The following DAB1 variants were observed in gnomAD, a reference collection of about 807,000 sequenced individuals.
DAB1 encodes DAB adaptor protein 1, also known as disabled homolog 1.
DAB1 carries 15 observed loss-of-function variants against 64.6 expected under a neutral mutation model. That is an observed-to-expected ratio of 0.23 (90% CI 0.16 to 0.36). DAB1 has a LOEUF of 0.36. Ranked by LOEUF, DAB1 falls within the 10% of genes least tolerant of loss-of-function variation. DAB1 has a pLI of 1.00. For missense variants in DAB1, 596 were observed against 706.7 expected (o/e 0.84, Z 1.78); for synonymous variants, 235 against 251.9 (o/e 0.93, Z 0.64).
intron 4 of DAB1, among the ~76,000 whole-genome samples, chr1:58,178,154 AG>A (rs1037650517): frequency 6.4e-4 from 97 of 152,304 alleles, no homozygotes; most frequent in African/African-American, 2.1e-3. Context: ...TAATTAAAGT[AG>A]TAACCTTCTC....
rs142573098 is a variant in DAB1 at position 58,067,761 on chromosome 1, C to T, written n.387+82750G>A. Among the ~76,000 whole-genome samples the T allele has an allele frequency of 3.3e-5, 5 of 152,286 alleles. No homozygotes were observed. The East Asian group carries it at 5.8e-4, about 18-fold the overall frequency. On this transcript the variant is annotated intron_variant and non_coding_transcript_variant, in intron 5 of 20. Coordinates refer to the DAB1 transcript ENST00000485760. ...ATACGTATACTAGCTGGGTTTACTG[C>T]CATCTCCTTATAGGCCTCAACCAGT...
At chr1:58,306,632 C>T (rs1662316164) in intron 4 of DAB1, among the ~76,000 whole-genome samples, 1 of 152,098 alleles carries the variant, frequency 6.6e-6, no homozygotes, top group African/African-American at 2.4e-5. Context: ...GATGTTAACA[C>T]CCCAGAGCCA....
At chr1:57,416,631 T>C (rs1684516656) in intron 1 of DAB1, among the ~76,000 whole-genome samples, 1 of 152,094 alleles carries the variant, frequency 6.6e-6, no homozygotes, top group South Asian at 2.1e-4. Flanking sequence ...GATTACAAAA[T>C]AAAGAATCAC....
intron 4 of DAB1, among the ~76,000 whole-genome samples, chr1:58,261,104 A>G (rs1361897357): frequency 6.6e-6 from 1 of 152,192 alleles, no homozygotes; most frequent in Non-Finnish European, 1.5e-5. Flanking sequence ...GGGTATTTGT[A>G]TCCTATAACA....
At chr1:58,483,451 C>T (rs899228604) in intron 3 of DAB1, among the ~76,000 whole-genome samples, 3 of 152,154 alleles carry the variant, frequency 2.0e-5, no homozygotes, top group East Asian at 3.8e-4. Flanking sequence ...GCACTTCTAG[C>T]TCTGATTAGG....
At chr1:57,786,961 G>A (rs886525573) in intron 6 of DAB1, among the ~76,000 whole-genome samples, 3 of 151,776 alleles carry the variant, frequency 2.0e-5, no homozygotes, top group African/African-American at 7.3e-5. Context: ...TAACAAAAAC[G>A]ATGCAAATTT....
intron 7 of DAB1, among the ~76,000 whole-genome samples, chr1:57,607,002 G>T (rs893238429): frequency 6.6e-6 from 1 of 151,590 alleles, no homozygotes; most frequent in African/African-American, 2.4e-5. Flanking sequence ...GGCCAGGCTG[G>T]TCTCGAACTC....
intron 7 of DAB1, among the ~76,000 whole-genome samples, chr1:57,483,224 T>C (rs1228972896): frequency 6.6e-6 from 1 of 152,222 alleles, no homozygotes; most frequent in Non-Finnish European, 1.5e-5. Flanking sequence ...TTTACTGATA[T>C]GGTTTGGCTG....
At chr1:57,207,009 C>T (rs1037424347) in intron 2 of DAB1, among the ~76,000 whole-genome samples, 5 of 101,738 alleles carry the variant, frequency 4.9e-5, no homozygotes, top group African/African-American at 1.9e-4. Flanking sequence ...GCTCTTGTTG[C>T]CCAGGCTGGA....
chr1:57,221,889 A>AT (rs34829466), intron 2 of DAB1, among the ~76,000 whole-genome samples: 2,233 of 144,712 alleles, frequency 0.015, 16 homozygotes, highest in East Asian at 0.028. Flanking sequence ...GTTAAATGTC[A>AT]TTTTTTTTTT....
intron 3 of DAB1, among the ~76,000 whole-genome samples, chr1:58,358,925 TTCTTTCTCTC>T (rs1217747951): frequency 1.6e-4 from 2 of 12,860 alleles, no homozygotes; most frequent in Admixed American, 1.3e-3. Context: ...CCCCCTTCCT[TTCTTTCTCTC>T]TCTCTCTCTC....
At chr1:57,632,855 T>C (rs543892164) in intron 7 of DAB1, among the ~76,000 whole-genome samples, 1 of 152,354 alleles carries the variant, frequency 6.6e-6, no homozygotes, top group Non-Finnish European at 1.5e-5. Flanking sequence ...GGAGTTGTAG[T>C]ACTATGTGTT....
intron 6 of DAB1, among the ~76,000 whole-genome samples, chr1:57,764,160 G>T (rs185930246): frequency 2.7e-4 from 41 of 152,332 alleles, no homozygotes; most frequent in African/African-American, 8.9e-4. Context: ...AGAGCTCAAA[G>T]AAGGCAATCA....
At chr1:57,431,985 G>A (rs1685535043) in intron 7 of DAB1, among the ~76,000 whole-genome samples, 1 of 152,092 alleles carries the variant, frequency 6.6e-6, no homozygotes, top group Non-Finnish European at 1.5e-5. Context: ...AGCTGAGTGT[G>A]ATGGTGTGTG....
chr1:57,968,076 G>T (rs539662364), intron 5 of DAB1, among the ~76,000 whole-genome samples: 1 of 152,094 alleles, frequency 6.6e-6, no homozygotes, highest in Admixed American at 6.6e-5. Flanking sequence ...AGCAGATGCC[G>T]AAATATTGTC....
chr1:57,385,858 T>A (rs888724592), intron 1 of DAB1, among the ~76,000 whole-genome samples: 2 of 152,210 alleles, frequency 1.3e-5, no homozygotes, highest in African/African-American at 4.8e-5. Context: ...CTCATTTTGC[T>A]TACAAAGGAA....
At chr1:57,011,116 CACAA>C (rs1646253528) in intron 13 of DAB1, 25 bp downstream of exon 13, 1 of 1,613,264 alleles carries the variant, frequency 6.2e-7, no homozygotes, top group Non-Finnish European at 8.5e-7. Context: ...TAAGGAAAAA[CACAA>C]ACAAATAACA....
chr1:57,000,137 A>C (rs1033269486), intron 14 of DAB1, among the ~76,000 whole-genome samples: 3 of 141,886 alleles, frequency 2.1e-5, no homozygotes, highest in African/African-American at 8.0e-5. Context: ...TTGGCCTCCC[A>C]GGTTCACACC....
intron 3 of DAB1, among the ~76,000 whole-genome samples, chr1:58,492,682 C>G (rs1323315135): frequency 6.6e-6 from 1 of 152,162 alleles, no homozygotes; most frequent in Non-Finnish European, 1.5e-5. Context: ...TGGATAAATT[C>G]CTGGACACAT....
Sources: gnomAD v4.1 joint callset for allele counts (sites outside exome capture counted in the v4.1 genomes callset) on GRCh38, gnomAD v4.1.1 for gene constraint, MANE v1.5 for transcripts, NCBI Gene and HGNC (gene_info 2026-07-23, HGNC 2026-07-21) for gene names.